The following GRIN2A variants were observed in gnomAD, a reference collection of about 807,000 sequenced individuals.
The protein encoded by GRIN2A is glutamate ionotropic receptor NMDA type subunit 2A.
In GRIN2A, 22 loss-of-function variants were observed where a neutral mutation model predicts 113.4. That is an observed-to-expected ratio of 0.19 (90% CI 0.14 to 0.28). GRIN2A has a LOEUF of 0.28. Ranked by LOEUF, GRIN2A falls within the 10% of genes least tolerant of loss-of-function variation. The pLI, the probability that GRIN2A is intolerant of heterozygous loss-of-function variation, is 1.00. For missense variants in GRIN2A, 1,502 were observed against 1,887.0 expected (o/e 0.80, Z 3.78); for synonymous variants, 827 against 738.4 (o/e 1.12, Z -1.94).
intron 3 of GRIN2A, among the ~76,000 whole-genome samples, chr16:9,894,592 A>C (rs2043764919): frequency 6.6e-6 from 1 of 152,170 alleles, no homozygotes; most frequent in Admixed American, 6.5e-5. Context: ...AGATATTTGC[A>C]TGGACTGTTT....
intron 2 of GRIN2A, among the ~76,000 whole-genome samples, chr16:10,153,861 A>G (rs1055902207): frequency 2.0e-5 from 3 of 152,152 alleles, no homozygotes; most frequent in Non-Finnish European, 4.4e-5. Flanking sequence ...CTGGTCACCT[A>G]CTTCATGTCA....
chr16:9,940,491 T>G (rs555371748), intron 2 of GRIN2A, among the ~76,000 whole-genome samples: 2 of 152,322 alleles, frequency 1.3e-5, no homozygotes, highest in Admixed American at 1.3e-4. Flanking sequence ...AACAAGACTG[T>G]GAGCTCCTCA....
intron 2 of GRIN2A, among the ~76,000 whole-genome samples, chr16:10,035,722 ATT>A (rs574342443): frequency 0.12 from 16,426 of 140,736 alleles, 1,026 homozygotes; most frequent in African/African-American, 0.17. Context: ...TGGATGATCG[ATT>A]TTTTTTTTTT....
chr16:9,913,174 G>A (rs189831499), intron 3 of GRIN2A, among the ~76,000 whole-genome samples: 13 of 152,284 alleles, frequency 8.5e-5, no homozygotes, highest in Non-Finnish European at 1.3e-4. Flanking sequence ...GTTCTCTACT[G>A]TAAGCAAAGG....
intron 2 of GRIN2A, among the ~76,000 whole-genome samples, chr16:10,076,844 G>A (rs1478549299): frequency 6.6e-6 from 1 of 152,214 alleles, no homozygotes; most frequent in Non-Finnish European, 1.5e-5. Flanking sequence ...AGTAGGCAGA[G>A]CACTGGTCCC....
chr16:9,940,772 A>G (rs2044853005), intron 2 of GRIN2A, among the ~76,000 whole-genome samples: 2 of 152,212 alleles, frequency 1.3e-5, no homozygotes, highest in South Asian at 4.1e-4. Context: ...CAACCATCCA[A>G]TACCCAACCT....
At chr16:10,107,196 G>C (rs374348300) in intron 2 of GRIN2A, among the ~76,000 whole-genome samples, 1 of 152,152 alleles carries the variant, frequency 6.6e-6, no homozygotes, top group Non-Finnish European at 1.5e-5. Context: ...TCTGTATTTG[G>C]AAGAGCTAAG....
At chr16:10,136,080 G>A (rs187557035) in intron 2 of GRIN2A, among the ~76,000 whole-genome samples, 4 of 152,124 alleles carry the variant, frequency 2.6e-5, no homozygotes, top group Admixed American at 6.5e-5. Context: ...AAGCAGATGT[G>A]CTTATCCTTT....
Position 9,840,717 on chromosome 16 carries a change from G to A in GRIN2A, c.1581C>T (p.Pro527=), listed in dbSNP as rs988901340. ...ERSEVVDFSV[P]FVETGISVMV... ...TGACACTGATTCCCGTTTCCACAAA[G>A]GGCACAGAGAAGTCCACCACTTCAG... Residue 527 remains proline (P), a synonymous_variant, in exon 7 of 13, where the codon CCC becomes CCT. Transcript: ENST00000330684. The A allele has an allele frequency of 1.9e-6, 3 of 1,612,740 alleles. No homozygotes were observed. Among genetic ancestry groups the A allele is most frequent in the Non-Finnish European group, 2.5e-6 (3 of 1,179,736 alleles).
chr16:10,091,624 T>A (rs1248702885), intron 2 of GRIN2A, among the ~76,000 whole-genome samples: 2 of 151,906 alleles, frequency 1.3e-5, no homozygotes, highest in African/African-American at 4.8e-5. Context: ...ATAGGCCCCA[T>A]CTCAAAAAAA....
intron 2 of GRIN2A, among the ~76,000 whole-genome samples, chr16:9,967,000 C>T (rs1454582501): frequency 1.3e-5 from 2 of 152,186 alleles, no homozygotes; most frequent in African/African-American, 4.8e-5. Context: ...AAACATGAGT[C>T]ACTGTTAAGT....
intron 2 of GRIN2A, among the ~76,000 whole-genome samples, chr16:10,154,435 C>G (rs1426072025): frequency 6.6e-6 from 1 of 152,128 alleles, no homozygotes; most frequent in Admixed American, 6.5e-5. Flanking sequence ...GCACTTAATG[C>G]AATCTAACAT....
intron 3 of GRIN2A, among the ~76,000 whole-genome samples, chr16:9,904,038 C>T (rs1036129167): frequency 6.6e-6 from 1 of 152,218 alleles, no homozygotes; most frequent in African/African-American, 2.4e-5. Flanking sequence ...GACAGGCAAA[C>T]TGAAGTTCAG....
chr16:9,944,185 T>C (rs1419080479), intron 2 of GRIN2A, among the ~76,000 whole-genome samples: 12 of 152,200 alleles, frequency 7.9e-5, no homozygotes, highest in Admixed American at 7.9e-4. Flanking sequence ...ATTTGCATTC[T>C]CCTGTTGAGG....
intron 2 of GRIN2A, among the ~76,000 whole-genome samples, chr16:10,099,071 C>G (rs1686465737): frequency 6.6e-6 from 1 of 152,144 alleles, no homozygotes; most frequent in South Asian, 2.1e-4. Flanking sequence ...AAAAAAACCA[C>G]TCATCTAGAG....
chr16:9,979,685 A>G (rs1213817852), intron 2 of GRIN2A, among the ~76,000 whole-genome samples: 1 of 151,858 alleles, frequency 6.6e-6, no homozygotes, highest in Non-Finnish European at 1.5e-5. Flanking sequence ...CTCTAGTACA[A>G]TGCCAGGCAT....
chr16:9,805,611 G>A (rs1035332398), intron 10 of GRIN2A: 1 of 152,132 alleles, frequency 6.6e-6, no homozygotes, highest in African/African-American at 2.4e-5. Flanking sequence ...CCCGGTCATG[G>A]GACCTCTCTG....
Position 10,173,558 on chromosome 16 carries a change from C to T in GRIN2A, c.414+6440G>A, listed in dbSNP as rs2142365601. ...GCCCTGAACCATATTGTGATATGTT[C>T]ATCCGGAAGCTCCAACAAGCTGGCA... is the stretch of plus-strand genomic sequence containing the variant. On this transcript the variant is annotated intron_variant, in intron 2 of 12. Transcript: ENST00000330684. 3.3e-5 allele frequency among the ~76,000 whole-genome samples: 5 copies of T among 152,320 alleles called. No individual in the cohort carries two copies. In the South Asian group the frequency reaches 1.0e-3, roughly 32 times the overall value.
intron 3 of GRIN2A, among the ~76,000 whole-genome samples, chr16:9,898,021 C>T (rs2043840405): frequency 6.8e-6 from 1 of 146,270 alleles, no homozygotes; most frequent in Non-Finnish European, 1.5e-5. Flanking sequence ...GCACCTTGGG[C>T]AGCGTATTTA....
Sources: allele counts gnomAD v4.1 joint callset (sites outside exome capture counted in the v4.1 genomes callset), GRCh38; gene constraint gnomAD v4.1.1; transcripts MANE v1.5; gene names NCBI Gene and HGNC (gene_info 2026-07-23, HGNC 2026-07-21).